The following CDK3 variants were observed in gnomAD, a reference collection of about 807,000 sequenced individuals.
CDK3 encodes cyclin dependent kinase 3.
Under a neutral mutation model 30.2 loss-of-function variants are expected in CDK3, and 24 were observed. The ratio of observed to expected loss-of-function variants is 0.79; its 90% CI spans 0.57 to 1.12. The LOEUF (loss-of-function observed/expected upper bound fraction) is 1.12. Ranked by LOEUF, CDK3 falls within the 50% of genes most tolerant of loss-of-function variation. CDK3 has a pLI of 0.00. For missense variants in CDK3, 345 were observed against 376.0 expected (o/e 0.92, Z 0.68); for synonymous variants, 158 against 154.2 (o/e 1.02, Z -0.18).
At position 76,005,845 on chromosome 17, in the gene CDK3, A is replaced by G. The variant is rs2066308834; in HGVS notation, c.*422A>G. ...GAGTTCCAGTTCAGTCCCAAGTTAAACAGGAGGGAGTGAGGGAGAGGAGAG... is the reference window on the plus strand; with the variant it reads ...GAGTTCCAGTTCAGTCCCAAGTTAAGCAGGAGGGAGTGAGGGAGAGGAGAG... On this transcript the variant is annotated 3_prime_UTR_variant, in exon 8 of 8. Coordinates refer to ENST00000448471, the MANE Select transcript of CDK3 (RefSeq NM_001258.4). This position sits in a 1 kb window ranked among gnomAD's most constrained non-coding sequence, Gnocchi z 4.7. The G allele has an allele frequency of 6.1e-6, 1 of 162,904 alleles. No individual in the cohort carries two copies. Among genetic ancestry groups the G allele is most frequent in the African/African-American group, 2.4e-5 (1 of 41,742 alleles). 10.1% of individuals were successfully genotyped at this position (162,904 alleles called of 1,614,324 possible).
At position 76,002,644 on chromosome 17, in the gene CDK3, G is replaced by A. The variant is rs1280896856; in HGVS notation, c.588+32G>A. 7 of 788,308 alleles carry A rather than the reference G, an allele frequency of 8.9e-6. No individual in the cohort carries two copies. Among genetic ancestry groups the A allele is most frequent in the Non-Finnish European group, 1.6e-5 (7 of 425,652 alleles). 48.8% of individuals were successfully genotyped at this position (788,308 alleles called of 1,614,324 possible). A position where few individuals can be genotyped will look rare whatever the true frequency, so the allele number is the denominator to read the frequency against. ...AGAGGGGCACACATGGCCACAGGGTGCCACAGGCAGGGTCCTACTGGGGTT... is the reference window on the plus strand; with the variant it reads ...AGAGGGGCACACATGGCCACAGGGTACCACAGGCAGGGTCCTACTGGGGTT... On this transcript the variant is annotated intron_variant, in intron 6 of 7. Transcript: ENST00000448471. This position sits in a 1 kb window ranked among gnomAD's most constrained non-coding sequence, Gnocchi z 4.3.
chr17:76,003,301 A>C lies in CDK3; in HGVS notation c.695A>C (p.Gln232Pro). ...PSEDTWPGVT[Q>P]LPDYKGSFPK... The stretch of plus-strand genomic sequence containing the variant: ...GAAGACACATGGCCCGGGGTCACCC[A>C]GCTGCCTGACTATAAGGGCAGCTTC... The change falls in exon 7 of 8, where the codon CAG (glutamine) becomes CCG (proline). Residue 232 changes from glutamine to proline, a missense_variant. Transcript: ENST00000448471. 6.2e-7 allele frequency: 1 copy of C among 1,614,210 alleles called. No individual in the cohort carries two copies. The highest frequency in any genetic ancestry group is 8.5e-7 in the Non-Finnish European group (1 of 1,180,026).
Position 76,005,389 on chromosome 17 carries a change from C to CCCGCCAGTATGTGCTGCAGCGATT in CDK3, c.891_914dup (p.Gln297_Arg304dup). On this transcript the variant is annotated inframe_insertion, in exon 8 of 8. Transcript: ENST00000448471. The surrounding 1 kb of genome is among the most constrained non-coding windows in gnomAD (Gnocchi z 4.7). ...TCATCCCCTGAGCCCTCCCCAGCTGCCCGCCAGTATGTGCTGCAGCGATTC... is the reference window on the plus strand; with the variant it reads ...TCATCCCCTGAGCCCTCCCCAGCTGCCCGCCAGTATGTGCTGCAGCGATTCCGCCAGTATGTGCTGCAGCGATTC... 2 of 1,614,182 alleles carry CCCGCCAGTATGTGCTGCAGCGATT rather than the reference C, an allele frequency of 1.2e-6. No homozygotes were observed. The highest frequency in any genetic ancestry group is 8.5e-7 in the Non-Finnish European group (1 of 1,180,002).
chr17:76,004,141 G>A (rs2066287328), intron 7 of CDK3, among the ~76,000 whole-genome samples: 1 of 150,854 alleles, frequency 6.6e-6, no homozygotes, highest in Admixed American at 6.6e-5. Flanking sequence ...CCATGCCACA[G>A]TTCTCACTCA....
chr17:76,001,278 TGGCTA>T lies in CDK3; in HGVS notation c.-14-130_-14-126del. 1 of 1,494,272 alleles carries T rather than the reference TGGCTA, an allele frequency of 6.7e-7. No homozygotes were observed. Among genetic ancestry groups the T allele is most frequent in the East Asian group, 2.6e-5 (1 of 38,894 alleles). The allele number at this position is 1,494,272 out of a possible 1,614,324, so 92.6% of individuals were successfully genotyped here. A position where few individuals can be genotyped will look rare whatever the true frequency, so the allele number is the denominator to read the frequency against. Reference sequence around the variant, plus strand: ...CAGGCAGGATGAGCTGGGGTTGGGGTGGCTAGGCCGTGGGCCTTGGGAGCTGGGCA... The same window carrying T: ...CAGGCAGGATGAGCTGGGGTTGGGGTGGCCGTGGGCCTTGGGAGCTGGGCA... On this transcript the variant is annotated intron_variant, in intron 1 of 7. Coordinates refer to ENST00000448471, the MANE Select transcript of CDK3 (RefSeq NM_001258.4). This position sits in a 1 kb window ranked among gnomAD's most constrained non-coding sequence, Gnocchi z 6.2.
rs201007083 is a variant in CDK3 at position 76,002,222 on chromosome 17, G to T, written c.316-26G>T. ...TCCACGCAGCACCTCCGCTCAGCTG[G>T]CTGCACCTCGCGCTCGTTTCTCCAG... On this transcript the variant is annotated intron_variant, in intron 4 of 7. Transcript: ENST00000448471. This position sits in a 1 kb window ranked among gnomAD's most constrained non-coding sequence, Gnocchi z 4.3. 5.0e-6 allele frequency: 8 copies of T among 1,612,334 alleles called. No homozygotes were observed. Among genetic ancestry groups the T allele is most frequent in the Non-Finnish European group, 6.8e-6 (8 of 1,179,518 alleles).
rs2066309202 is a variant in CDK3, at chr17:76,005,904, A to G, written c.*481A>G. ...CCCCGGATCCCAGGAGAGCTGGGCTATGACTGCAATAAGGAGTTGTTCCTT... is the reference window on the plus strand; with the variant it reads ...CCCCGGATCCCAGGAGAGCTGGGCTGTGACTGCAATAAGGAGTTGTTCCTT... On this transcript the variant is annotated 3_prime_UTR_variant, in exon 8 of 8. Coordinates refer to ENST00000448471, the MANE Select transcript of CDK3 (RefSeq NM_001258.4). This position sits in a 1 kb window ranked among gnomAD's most constrained non-coding sequence, Gnocchi z 4.7. The G allele has an allele frequency of 6.4e-6, 1 of 156,694 alleles. No homozygotes were observed. The highest frequency in any genetic ancestry group is 1.4e-5 in the Non-Finnish European group (1 of 70,880). 9.7% of individuals were successfully genotyped at this position (156,694 alleles called of 1,614,324 possible). A position where few individuals can be genotyped will look rare whatever the true frequency, so the allele number is the denominator to read the frequency against.
intron 7 of CDK3, chr17:76,004,687 C>T (rs2066295177): frequency 6.5e-6 from 1 of 152,742 alleles, no homozygotes; most frequent in Admixed American, 6.5e-5. Flanking sequence ...GTCTTGGAGC[C>T]ACATTTCTCT....
chr17:76,002,535 C>G lies in CDK3; in HGVS notation c.511C>G (p.Pro171Ala). The G allele has an allele frequency of 8.5e-7, 1 of 1,175,384 alleles. No homozygotes were observed. The highest frequency in any genetic ancestry group is 1.3e-6 in the Non-Finnish European group (1 of 779,436). The allele number at this position is 1,175,384 out of a possible 1,614,324, so 72.8% of individuals were successfully genotyped here. The change falls in exon 6 of 8, where the codon CCC becomes GCC. Residue 171 changes from proline (P) to alanine (A), a missense_variant. Transcript: ENST00000448471. This position sits in a 1 kb window ranked among gnomAD's most constrained non-coding sequence, Gnocchi z 4.3. Reference sequence around the variant, plus strand: ...GGTGGTGACACTGTGGTATCGCGCCCCCGAGATTCTCTTGGGCAGCAAGTT... The same window carrying G: ...GGTGGTGACACTGTGGTATCGCGCCGCCGAGATTCTCTTGGGCAGCAAGTT... Reference protein sequence around the residue: ...HEVVTLWYRAPEILLGSKFYT... With the variant: ...HEVVTLWYRAAEILLGSKFYT...
rs1425065845 is a variant in CDK3, at chr17:76,005,610, T to G, written c.*187T>G. 1.5e-6 allele frequency: 1 copy of G among 658,344 alleles called. No individual in the cohort carries two copies. The highest frequency in any genetic ancestry group is 2.5e-6 in the Non-Finnish European group (1 of 406,898). 40.8% of individuals were successfully genotyped at this position (658,344 alleles called of 1,614,324 possible). A position where few individuals can be genotyped will look rare whatever the true frequency, so the allele number is the denominator to read the frequency against. On this transcript the variant is annotated 3_prime_UTR_variant, in exon 8 of 8. Coordinates refer to ENST00000448471, the MANE Select transcript of CDK3 (RefSeq NM_001258.4). This position sits in a 1 kb window ranked among gnomAD's most constrained non-coding sequence, Gnocchi z 4.7. ...CGAGATCCTGTGTTGTTTTTTGGGT[T>G]GGACGGTGCCGTTTCAAAATAGAGG...
chr17:76,005,364 T>A lies in CDK3; in HGVS notation c.859T>A (p.Ser287Thr). The part of the protein sequence containing the change: ...AKTALAHPYF[S>T]SPEPSPAARQ... ...GACTGCCCTGGCCCACCCGTACTTC[T>A]CATCCCCTGAGCCCTCCCCAGCTGC... The change falls in exon 8 of 8, where the codon TCA becomes ACA. Residue 287 changes from serine (S) to threonine (T), a missense_variant. Physicochemically the swap from Ser to Thr is moderately conservative, Grantham distance 58. Coordinates refer to ENST00000448471, the MANE Select transcript of CDK3 (RefSeq NM_001258.4). This position sits in a 1 kb window ranked among gnomAD's most constrained non-coding sequence, Gnocchi z 4.7. The A allele has an allele frequency of 6.2e-7, 1 of 1,614,042 alleles. No homozygotes were observed. Among genetic ancestry groups the A allele is most frequent in the East Asian group, 2.2e-5 (1 of 44,876 alleles).
chr17:76,001,133 G>C lies in CDK3; in HGVS notation c.-15+166G>C. On this transcript the variant is annotated intron_variant, in intron 1 of 7. Coordinates refer to ENST00000448471, the MANE Select transcript of CDK3 (RefSeq NM_001258.4). This position sits in a 1 kb window ranked among gnomAD's most constrained non-coding sequence, Gnocchi z 6.2. Reference sequence around the variant, plus strand: ...TGTGGGCCCTGCCCTCCGAGGCCGGGCATGGGCGAGAAGCCTGGGGGTCCT... The same window carrying C: ...TGTGGGCCCTGCCCTCCGAGGCCGGCCATGGGCGAGAAGCCTGGGGGTCCT... 1 of 1,270,178 alleles carries C rather than the reference G, an allele frequency of 7.9e-7. No homozygotes were observed. The highest frequency in any genetic ancestry group is 1.0e-6 in the Non-Finnish European group (1 of 996,108). The allele number at this position is 1,270,178 out of a possible 1,614,324, so 78.7% of individuals were successfully genotyped here. A position where few individuals can be genotyped will look rare whatever the true frequency, so the allele number is the denominator to read the frequency against.
chr17:76,002,408 A>G lies in CDK3; in HGVS notation c.476A>G (p.Tyr159Cys). 6.2e-7 allele frequency: 1 copy of G among 1,612,594 alleles called. No individual in the cohort carries two copies. The highest frequency in any genetic ancestry group is 8.5e-7 in the Non-Finnish European group (1 of 1,179,944). ...ARAFGVPLRT[Y>C]THEVVTLWYR... Reference sequence around the variant, plus strand: ...GCCTTCGGGGTGCCCCTGCGCACCTACACCCATGAGGTATTGTGAGACAAA... The same window carrying G: ...GCCTTCGGGGTGCCCCTGCGCACCTGCACCCATGAGGTATTGTGAGACAAA... The change falls in exon 5 of 8, where the codon TAC (tyrosine) becomes TGC (cysteine). Residue 159 changes from tyrosine to cysteine, a missense_variant. Transcript: ENST00000448471. The surrounding 1 kb of genome is among the most constrained non-coding windows in gnomAD (Gnocchi z 4.3).
Position 76,005,046 on chromosome 17 carries a change from T to C in CDK3, c.793-252T>C, listed in dbSNP as rs1254966278. 2.0e-5 allele frequency among the ~76,000 whole-genome samples: 3 copies of C among 152,306 alleles called. No individual in the cohort carries two copies. The South Asian group carries it at 6.2e-4, about 32-fold the overall frequency. On this transcript the variant is annotated intron_variant, in intron 7 of 7. Coordinates refer to ENST00000448471, the MANE Select transcript of CDK3 (RefSeq NM_001258.4). This position sits in a 1 kb window ranked among gnomAD's most constrained non-coding sequence, Gnocchi z 4.7. ...TCCCAACTAGAAGCAGGCTGGGACC[T>C]GGGACCCTCCCCGAGAAGGGGGGTG...
At position 76,002,638 on chromosome 17, in the gene CDK3, C is replaced by T. The variant is rs761705395; in HGVS notation, c.588+26C>T. 7 of 789,506 alleles carry T rather than the reference C, an allele frequency of 8.9e-6. No homozygotes were observed. In the South Asian group the frequency reaches 9.4e-5, roughly 11 times the overall value. The allele number at this position is 789,506 out of a possible 1,614,324, so 48.9% of individuals were successfully genotyped here. On this transcript the variant is annotated intron_variant, in intron 6 of 7. Transcript: ENST00000448471. The surrounding 1 kb of genome is among the most constrained non-coding windows in gnomAD (Gnocchi z 4.3). ...GTAGAGAGAGGGGCACACATGGCCA[C>T]AGGGTGCCACAGGCAGGGTCCTACT... is the stretch of plus-strand genomic sequence containing the variant.
chr17:76,005,626 A>G lies in CDK3; in HGVS notation c.*203A>G, dbSNP rs1031008061. ...TTTTTGGGTTGGACGGTGCCGTTTCAAAATAGAGGCACAGATGCTCCATGC... is the reference window on the plus strand; with the variant it reads ...TTTTTGGGTTGGACGGTGCCGTTTCGAAATAGAGGCACAGATGCTCCATGC... On this transcript the variant is annotated 3_prime_UTR_variant, in exon 8 of 8. Coordinates refer to ENST00000448471, the MANE Select transcript of CDK3 (RefSeq NM_001258.4). This position sits in a 1 kb window ranked among gnomAD's most constrained non-coding sequence, Gnocchi z 4.7. The G allele has an allele frequency of 2.1e-5, 12 of 583,826 alleles. No homozygotes were observed. In the African/African-American group the frequency reaches 2.1e-4, roughly 10 times the overall value. 36.2% of individuals were successfully genotyped at this position (583,826 alleles called of 1,614,324 possible).
At chr17:76,003,041 A>T in intron 6 of CDK3, 154 bp from the exon 7 acceptor site, 1 of 689,288 alleles carries the variant, frequency 1.5e-6, no homozygotes, top group Non-Finnish European at 2.6e-6. Context: ...AGGACTGAGG[A>T]AGGTAGCTTT....
chr17:76,005,185 G>A lies in CDK3; in HGVS notation c.793-113G>A. Reference sequence around the variant, plus strand: ...AGGTCATGGCTTCATGCGGTTCTGGGTTTGAGGGCAGCCAATTTGGGGCCC... The same window carrying A: ...AGGTCATGGCTTCATGCGGTTCTGGATTTGAGGGCAGCCAATTTGGGGCCC... On this transcript the variant is annotated intron_variant, in intron 7 of 7. Coordinates refer to ENST00000448471, the MANE Select transcript of CDK3 (RefSeq NM_001258.4). The surrounding 1 kb of genome is among the most constrained non-coding windows in gnomAD (Gnocchi z 4.7). 2 of 1,367,366 alleles carry A rather than the reference G, an allele frequency of 1.5e-6. No homozygotes were observed. Among genetic ancestry groups the A allele is most frequent in the East Asian group, 2.5e-5 (1 of 40,566 alleles). 84.7% of individuals were successfully genotyped at this position (1,367,366 alleles called of 1,614,324 possible). A position where few individuals can be genotyped will look rare whatever the true frequency, so the allele number is the denominator to read the frequency against.
Position 76,001,513 on chromosome 17 carries a change from G to T in CDK3, c.88G>T (p.Val30Leu). ...KAKNRETGQL[V>L]ALKKIRLDLE... ...CAAGAACAGGGAGACAGGGCAGCTG[G>T]TGGCCCTGAAGAAGATCAGACTGGA... The change falls in exon 2 of 8, where the codon GTG becomes TTG. Residue 30 changes from valine to leucine, a missense_variant. Physicochemically the swap from Val to Leu is conservative, Grantham distance 32 (BLOSUM62 1). Coordinates refer to ENST00000448471, the MANE Select transcript of CDK3 (RefSeq NM_001258.4). This position sits in a 1 kb window ranked among gnomAD's most constrained non-coding sequence, Gnocchi z 6.2. 6.2e-7 allele frequency: 1 copy of T among 1,614,066 alleles called. No individual in the cohort carries two copies. The highest frequency in any genetic ancestry group is 8.5e-7 in the Non-Finnish European group (1 of 1,179,948).
Sources: allele counts gnomAD v4.1 joint callset (sites outside exome capture counted in the v4.1 genomes callset), GRCh38; gene constraint gnomAD v4.1.1; non-coding constraint Gnocchi (gnomAD v3.1); transcripts MANE v1.5; gene names NCBI Gene and HGNC (gene_info 2026-07-23, HGNC 2026-07-21).